Variants in PEX5L observed in about 807,000 individuals in gnomAD.
PEX5L encodes the protein PEX5-related protein.
PEX5L carries 30 observed loss-of-function variants against 84.0 expected under a neutral mutation model. The observed-to-expected ratio is 0.36, with a 90% CI of 0.27 to 0.48. The LOEUF (loss-of-function observed/expected upper bound fraction) is 0.48, where lower values mean the gene tolerates loss of function less well. Among genes scored for constraint, PEX5L ranks in the 20% least tolerant of loss-of-function variants. The probability of loss-of-function intolerance (pLI) is 0.99; values close to 1 mark genes in which losing one functional copy is unlikely to be tolerated. For synonymous variants in PEX5L, 270 were observed against 283.1 expected (o/e 0.95, Z 0.46); for missense variants, 533 against 754.6 (o/e 0.71, Z 3.44).
intron 8 of PEX5L, among the ~76,000 whole-genome samples, chr3:179,844,602 G>T (rs1443562704): frequency 6.6e-6 from 1 of 152,224 alleles, no homozygotes; most frequent in Admixed American, 6.5e-5. Flanking sequence ...GCCGAGGCGG[G>T]CGGATCATGA....
intron 1 of PEX5L, among the ~76,000 whole-genome samples, chr3:179,988,192 G>C (rs1226259705): frequency 1.3e-5 from 2 of 152,048 alleles, no homozygotes; most frequent in Non-Finnish European, 2.9e-5. Flanking sequence ...CTAAGGTCAG[G>C]AGTTTGTGAC....
chr3:179,829,693 C>T (rs768741768), intron 8 of PEX5L, among the ~76,000 whole-genome samples: 11 of 151,550 alleles, frequency 7.3e-5, no homozygotes, highest in African/African-American at 2.4e-4. Flanking sequence ...TGCAGGCAAA[C>T]GTCAACAGAG....
At chr3:179,995,479 G>T (rs535274847) in intron 1 of PEX5L, among the ~76,000 whole-genome samples, 2 of 152,192 alleles carry the variant, frequency 1.3e-5, no homozygotes, top group African/African-American at 4.8e-5. Flanking sequence ...TGTTTAGAGA[G>T]TTATGCAAAA....
chr3:179,820,763 C>T (rs558959619), intron 8 of PEX5L, among the ~76,000 whole-genome samples: 2 of 152,302 alleles, frequency 1.3e-5, no homozygotes, highest in South Asian at 4.1e-4. Context: ...CAAGAGCTGT[C>T]CCTGGTTGAC....
intron 1 of PEX5L, among the ~76,000 whole-genome samples, chr3:180,027,311 AGTG>A (rs1452004196): frequency 2.0e-5 from 3 of 152,194 alleles, no homozygotes; most frequent in African/African-American, 7.2e-5. Context: ...GAAGTCTGCC[AGTG>A]CCCCAATGTA....
intron 1 of PEX5L, among the ~76,000 whole-genome samples, chr3:180,028,606 C>T (rs771779452): frequency 5.9e-5 from 9 of 151,870 alleles, no homozygotes; most frequent in Non-Finnish European, 1.2e-4. Flanking sequence ...AATAATATAC[C>T]AGGGTAAGGC....
At chr3:179,831,342 A>C (rs552199623) in intron 8 of PEX5L, among the ~76,000 whole-genome samples, 1 of 152,020 alleles carries the variant, frequency 6.6e-6, no homozygotes, top group African/African-American at 2.4e-5. Context: ...AAAACCTACA[A>C]GACCGCAGTG....
At chr3:179,947,050 A>G (rs1032775561) in intron 2 of PEX5L, among the ~76,000 whole-genome samples, 3 of 152,298 alleles carry the variant, frequency 2.0e-5, no homozygotes, top group South Asian at 2.1e-4. Context: ...GTAATTTTCA[A>G]TTGAGTGGAG....
At chr3:179,930,092 G>A (rs1041588513) in intron 2 of PEX5L, among the ~76,000 whole-genome samples, 1 of 151,940 alleles carries the variant, frequency 6.6e-6, no homozygotes, top group African/African-American at 2.4e-5. Flanking sequence ...CAAATTCTTC[G>A]GCCCCACTCA....
At chr3:179,898,366 G>T in intron 2 of PEX5L, 120 bp from the exon 3 acceptor site, 1 of 634,406 alleles carries the variant, frequency 1.6e-6, no homozygotes, top group Non-Finnish European at 2.6e-6. Context: ...GCTGCTGCAA[G>T]TGAATCTTGA....
rs560770986 is a variant in PEX5L at position 179,933,451 on chromosome 3, T to TTG, written c.94-35206_94-35205insCA. 6.6e-5 allele frequency among the ~76,000 whole-genome samples: 10 copies of TTG among 152,008 alleles called. No individual in the cohort carries two copies. The South Asian group carries it at 1.5e-3, about 22-fold the overall frequency. ...TGGAGTCATATACAATTCTCTTTTT[T>TTG]TTTTGAGAAAACTAATTTCAATACC... On this transcript the variant is annotated intron_variant, in intron 2 of 14. Transcript: ENST00000467460.
intron 2 of PEX5L, among the ~76,000 whole-genome samples, chr3:179,943,054 A>G (rs1403560889): frequency 6.6e-6 from 1 of 152,248 alleles, no homozygotes; most frequent in Non-Finnish European, 1.5e-5. Flanking sequence ...AAATGACGTA[A>G]CATATACCAA....
At chr3:180,016,120 C>T (rs1789927308) in intron 1 of PEX5L, among the ~76,000 whole-genome samples, 2 of 151,994 alleles carry the variant, frequency 1.3e-5, no homozygotes, top group South Asian at 4.1e-4. Context: ...CCACCACCAC[C>T]AACACTCAAT....
intron 1 of PEX5L, among the ~76,000 whole-genome samples, chr3:180,024,860 G>A (rs1175264397): frequency 1.3e-5 from 2 of 152,124 alleles, no homozygotes; most frequent in African/African-American, 4.8e-5. Flanking sequence ...GTGTGTGTTA[G>A]CATTATTATC....
At chr3:179,928,214 C>A (rs1183689477) in intron 2 of PEX5L, among the ~76,000 whole-genome samples, 1 of 152,156 alleles carries the variant, frequency 6.6e-6, no homozygotes, top group Non-Finnish European at 1.5e-5. Context: ...AGATTGTGAG[C>A]CTTTGGGTGG....
intron 4 of PEX5L, among the ~76,000 whole-genome samples, chr3:179,883,740 T>G (rs1487828728): frequency 2.0e-5 from 3 of 152,154 alleles, no homozygotes; most frequent in Non-Finnish European, 4.4e-5. Flanking sequence ...GCCAAGATCA[T>G]GCCATTGCAC....
At chr3:179,961,214 T>C (rs1380350729) in intron 2 of PEX5L, among the ~76,000 whole-genome samples, 1 of 151,868 alleles carries the variant, frequency 6.6e-6, no homozygotes, top group Non-Finnish European at 1.5e-5. Context: ...TGTGTGTGTG[T>C]GTGTGTGTGT....
At chr3:180,018,160 G>A (rs1023682926) in intron 1 of PEX5L, among the ~76,000 whole-genome samples, 1 of 152,140 alleles carries the variant, frequency 6.6e-6, no homozygotes, top group Non-Finnish European at 1.5e-5. Flanking sequence ...CAGTGTTCTG[G>A]TTCCTCATCT....
At chr3:179,846,887 C>T (rs1373664014) in intron 8 of PEX5L, among the ~76,000 whole-genome samples, 3 of 152,058 alleles carry the variant, frequency 2.0e-5, no homozygotes, top group Non-Finnish European at 2.9e-5. Flanking sequence ...TGGAACTACA[C>T]CCCAAACTCA....
Sources: gnomAD v4.1 joint callset for allele counts (sites outside exome capture counted in the v4.1 genomes callset) on GRCh38, gnomAD v4.1.1 for gene constraint, MANE v1.5 for transcripts, NCBI Gene and HGNC (gene_info 2026-07-23, HGNC 2026-07-21) for gene names.